Variants in TRPV3 observed in about 807,000 individuals in gnomAD.
The protein encoded by TRPV3 is transient receptor potential cation channel subfamily V member 3.
In TRPV3, 88 loss-of-function variants were observed where a neutral mutation model predicts 87.1. The ratio of observed to expected loss-of-function variants is 1.01; its 90% CI spans 0.85 to 1.21. The LOEUF (loss-of-function observed/expected upper bound fraction) is 1.21. TRPV3 is among the 50% of genes most tolerant of loss of function. The probability of loss-of-function intolerance (pLI) is 0.00; values close to 1 mark genes in which losing one functional copy is unlikely to be tolerated. For missense variants in TRPV3, 1,054 were observed against 1,030.1 expected, an observed-to-expected ratio of 1.02 and a Z score of -0.32; for synonymous variants, 438 against 423.3, an observed-to-expected ratio of 1.03 and a Z score of -0.43.
intron 16 of TRPV3, among the ~76,000 whole-genome samples, chr17:3,515,859 G>GA (rs1458528757): frequency 5.3e-5 from 8 of 152,014 alleles, no homozygotes; most frequent in Non-Finnish European, 8.8e-5. Flanking sequence ...ACCAGATAGC[G>GA]AACACAGAGA....
In TRPV3 at chr17:3,536,566, CAAG is replaced by C. The variant is rs1221954803; in HGVS notation, c.644-856_644-854del. 2.6e-5 allele frequency among the ~76,000 whole-genome samples: 4 copies of C among 152,140 alleles called. No homozygotes were observed. The East Asian group carries it at 7.7e-4, about 29-fold the overall frequency. ...TTGGTCCATTGCACTCCAGCCTGGG[CAAG>C]AAGAGTGAAACTCCATCTCAAAAAA... On this transcript the variant is annotated intron_variant, in intron 6 of 17. Transcript: ENST00000576742.
Position 3,528,986 on chromosome 17 carries a change from C to T in TRPV3, c.1252G>A (p.Glu418Lys), listed in dbSNP as rs957362257. ...VYNTNIDNRH[E>K]MLTLEPLHTL... ...TGCAGCGGCTCCAGGGTCAGCATCT[C>T]ATGCCGGTTCTAGGGGTAGAATGCC... Residue 418 changes from glutamate to lysine, a missense_variant, in exon 10 of 18, where the codon GAG becomes AAG. Transcript: ENST00000576742. The surrounding 1 kb of genome is among the most constrained non-coding windows in gnomAD (Gnocchi z 4.2). 18 of 1,614,096 alleles carry T rather than the reference C, an allele frequency of 1.1e-5. No individual in the cohort carries two copies. Among genetic ancestry groups the T allele is most frequent in the Non-Finnish European group, 1.5e-5 (18 of 1,180,042 alleles).
At chr17:3,540,411 C>T (rs891916985) in intron 6 of TRPV3, among the ~76,000 whole-genome samples, 2 of 152,156 alleles carry the variant, frequency 1.3e-5, no homozygotes, top group Non-Finnish European at 2.9e-5. Flanking sequence ...TGCCCACAGC[C>T]TCCCAGACCT....
chr17:3,526,603 C>T (rs1487161212), intron 12 of TRPV3, among the ~76,000 whole-genome samples: 1 of 152,198 alleles, frequency 6.6e-6, no homozygotes, highest in Non-Finnish European at 1.5e-5. Context: ...CCATCTCAGC[C>T]TCCCAGAGTG....
intron 6 of TRPV3, 95 bp from the exon 7 acceptor site, chr17:3,535,808 G>A (rs753504350): frequency 2.1e-5 from 28 of 1,329,416 alleles, no homozygotes; most frequent in Non-Finnish European, 2.7e-5. Flanking sequence ...CCGAACCCAC[G>A]GGGAGATCAG....
At chr17:3,535,252 ACTCCTCCTC>A in intron 7 of TRPV3, among the ~76,000 whole-genome samples, 1 of 51,184 alleles carries the variant, frequency 2.0e-5, no homozygotes, top group South Asian at 1.1e-3. Flanking sequence ...CCCCCTCCTT[ACTCCTCCTC>A]CCTCTCCCTC....
At position 3,524,322 on chromosome 17, in the gene TRPV3, T is replaced by C; in HGVS notation, c.1619A>G (p.Tyr540Cys). Residue 540 changes from tyrosine (Y) to cysteine (C), a missense_variant, in exon 13 of 18, where the codon TAC (tyrosine) becomes TGC (cysteine). Tyr to Cys is a radical substitution (Grantham distance 194). Transcript: ENST00000576742. ...AVLVILSVFL[Y>C]LFAYKEYLAC... The stretch of plus-strand genomic sequence containing the variant: ...GAGGTACTCTTTGTAGGCAAACAAG[T>C]ACAAGAAGACAGACAGTATCACAAG... The C allele has an allele frequency of 6.2e-7, 1 of 1,614,178 alleles. No homozygotes were observed. Among genetic ancestry groups the C allele is most frequent in the South Asian group, 1.1e-5 (1 of 91,078 alleles).
intron 16 of TRPV3, 108 bp downstream of exon 16, chr17:3,516,349 G>T: frequency 1.1e-6 from 1 of 874,106 alleles, no homozygotes; most frequent in Non-Finnish European, 1.9e-6. Flanking sequence ...AGTAGCTGTG[G>T]TTATGGTTAG....
At position 3,513,906 on chromosome 17, in the gene TRPV3, G is replaced by C. The variant is rs1283625093; in HGVS notation, c.*11C>G. 6.2e-7 allele frequency: 1 copy of C among 1,612,114 alleles called. No homozygotes were observed. The highest frequency in any genetic ancestry group is 8.5e-7 in the Non-Finnish European group (1 of 1,178,242). On this transcript the variant is annotated 3_prime_UTR_variant, in exon 18 of 18. Transcript: ENST00000576742. Reference sequence around the variant, plus strand: ...GACAGCGCACGCGCACACCAGCTCTGGGTTCCGCTTCTACACCGAGGTTTC... The same window carrying C: ...GACAGCGCACGCGCACACCAGCTCTCGGTTCCGCTTCTACACCGAGGTTTC...
rs527447578 is a variant in TRPV3, at chr17:3,524,710, G to A, written c.1578-347C>T. Among the ~76,000 whole-genome samples the A allele has an allele frequency of 4.2e-4, 63 of 150,876 alleles. 2 individuals are homozygous for A. In the East Asian group the frequency reaches 0.011, roughly 27 times the overall value. The stretch of plus-strand genomic sequence containing the variant: ...ACACGGGCCTGGTGTAGTGGCTTTC[G>A]CCTGTAATCCCAACACTTTGGGGGG... On this transcript the variant is annotated intron_variant, in intron 12 of 17. Transcript: ENST00000576742.
chr17:3,526,735 A>G, intron 12 of TRPV3, 119 bp downstream of exon 12: 1 of 780,018 alleles, frequency 1.3e-6, no homozygotes, highest in East Asian at 2.7e-5. Context: ...TAACCATGGC[A>G]GAGTGACTGG....
intron 5 of TRPV3, 90 bp from the exon 6 acceptor site, chr17:3,542,788 A>G: frequency 7.2e-7 from 1 of 1,388,892 alleles, no homozygotes; most frequent in Non-Finnish European, 9.7e-7. Context: ...GCAGCCGCAG[A>G]CCCCAAGCCC....
intron 2 of TRPV3, among the ~76,000 whole-genome samples, chr17:3,549,091 C>T (rs2074550144): frequency 6.6e-6 from 1 of 152,220 alleles, no homozygotes; most frequent in Admixed American, 6.5e-5. Context: ...GCTAGTGGTT[C>T]AGCCCCAAAA....
At position 3,529,837 on chromosome 17, in the gene TRPV3, T is replaced by C. The variant is rs1418437431; in HGVS notation, c.1242+190A>G. ...ACAGTCCAAGGTCAATCAGGAAGAG[T>C]CGGGCCCAGCATCTGTCCCAGGCCT... On this transcript the variant is annotated intron_variant, in intron 9 of 17. Transcript: ENST00000576742. Among the ~76,000 whole-genome samples the C allele has an allele frequency of 3.3e-5, 4 of 119,654 alleles. No individual in the cohort carries two copies. In the East Asian group the frequency reaches 1.1e-3, roughly 34 times the overall value. 78.5% of individuals were successfully genotyped at this position (119,654 alleles called of 152,430 possible). A position where few individuals can be genotyped will look rare whatever the true frequency, so the allele number is the denominator to read the frequency against.
At chr17:3,524,395 ACT>A in intron 12 of TRPV3, 32 bp from the exon 13 acceptor site, 1 of 1,611,300 alleles carries the variant, frequency 6.2e-7, no homozygotes. Context: ...CACGGGCCTT[ACT>A]TACTTCTCAG....
At chr17:3,515,981 G>A (rs1173287872) in intron 16 of TRPV3, among the ~76,000 whole-genome samples, 2 of 152,176 alleles carry the variant, frequency 1.3e-5, no homozygotes, top group African/African-American at 4.8e-5. Flanking sequence ...GAGGTCAGGA[G>A]TTTGAGACCA....
intron 3 of TRPV3, 64 bp downstream of exon 3, chr17:3,545,103 T>G: frequency 8.3e-7 from 1 of 1,211,448 alleles, no homozygotes. Flanking sequence ...GGCAAGTCAC[T>G]GGCCACATGC....
At chr17:3,526,355 G>A (rs1030164713) in intron 12 of TRPV3, among the ~76,000 whole-genome samples, 2 of 152,092 alleles carry the variant, frequency 1.3e-5, no homozygotes, top group African/African-American at 4.8e-5. Context: ...GTGCACGTCT[G>A]TAATCCCAGC....
At chr17:3,554,230 A>G in intron 2 of TRPV3, 1 of 153,890 alleles carries the variant, frequency 6.5e-6, no homozygotes, top group East Asian at 1.9e-4. Flanking sequence ...TGTTGACTTG[A>G]TCCCAATTAA....
Sources: gnomAD v4.1 joint callset for allele counts (sites outside exome capture counted in the v4.1 genomes callset) on GRCh38, gnomAD v4.1.1 for gene constraint, Gnocchi (gnomAD v3.1) non-coding constraint, MANE v1.5 for transcripts, NCBI Gene and HGNC (gene_info 2026-07-23, HGNC 2026-07-21) for gene names.